ITIH2: variants seen among roughly 807,000 people sequenced by gnomAD.
The protein encoded by ITIH2 is inter-alpha-trypsin inhibitor heavy chain H2.
In ITIH2, 103 loss-of-function variants were observed where a neutral mutation model predicts 104.4. The ratio of observed to expected loss-of-function variants is 0.99; its 90% CI spans 0.84 to 1.16. The LOEUF (loss-of-function observed/expected upper bound fraction) is 1.16. Among genes scored for constraint, ITIH2 ranks in the 50% most tolerant of loss-of-function variants. The pLI is 0.00. For synonymous variants in ITIH2, 436 were observed against 435.4 expected (o/e 1.00, Z -0.02); for missense variants, 1,108 against 1,162.4 (o/e 0.95, Z 0.68).
chr10:7,712,065 T>TC, intron 4 of ITIH2, among the ~76,000 whole-genome samples: 1 of 152,222 alleles, frequency 6.6e-6, no homozygotes, highest in Non-Finnish European at 1.5e-5. Flanking sequence ...ACCAGCACCT[T>TC]CCCCCTTTTT....
chr10:7,749,322 C>T lies in ITIH2; in HGVS notation c.2829C>T (p.Leu943=). 1 of 1,613,992 alleles carries T rather than the reference C, an allele frequency of 6.2e-7. No homozygotes were observed. The highest frequency in any genetic ancestry group is 8.5e-7 in the Non-Finnish European group (1 of 1,179,890). The change falls in exon 21 of 21, where the codon CTC becomes CTT. Residue 943 remains leucine, a synonymous_variant. Coordinates refer to ENST00000358415, the MANE Select transcript of ITIH2 (RefSeq NM_002216.3). The part of the protein sequence containing the change: ...DYFVPQLYSF[L]KRP ...TCGTGCCTCAGCTCTACAGCTTTCT[C>T]AAACGGCCTTAAAGGTTTATAGTTT...
At chr10:7,739,165 T>C (rs550933820) in intron 16 of ITIH2, among the ~76,000 whole-genome samples, 13 of 152,280 alleles carry the variant, frequency 8.5e-5, no homozygotes, top group Admixed American at 7.2e-4. Flanking sequence ...TCCCACAGCA[T>C]GTGAGACGGG....
chr10:7,712,019 T>C (rs1476062270), intron 4 of ITIH2, among the ~76,000 whole-genome samples: 1 of 152,112 alleles, frequency 6.6e-6, no homozygotes, highest in Non-Finnish European at 1.5e-5. Flanking sequence ...CCAAGGGAGA[T>C]GGTTTCCAGA....
chr10:7,737,486 T>G lies in ITIH2; in HGVS notation c.1958-1135T>G, dbSNP rs920424472. The stretch of plus-strand genomic sequence containing the variant: ...AATTATAATTATATTATCTGTAATA[T>G]ATAATTATATATATTTTGTATTCTA... On this transcript the variant is annotated intron_variant, in intron 15 of 20. Transcript: ENST00000358415. 2.9e-5 allele frequency among the ~76,000 whole-genome samples: 4 copies of G among 139,352 alleles called. No individual in the cohort carries two copies. In the Admixed American group the frequency reaches 3.0e-4, roughly 11 times the overall value. 91.4% of individuals were successfully genotyped at this position (139,352 alleles called of 152,430 possible).
chr10:7,730,152 C>CT lies in ITIH2; in HGVS notation c.1461+26dup. On this transcript the variant is annotated intron_variant, in intron 12 of 20. Coordinates refer to ENST00000358415, the MANE Select transcript of ITIH2 (RefSeq NM_002216.3). ...GCTTAAGGTAACATTTTCTTCTGTTCTTTTTTTATTCTTCACTGGAAATCA... is the reference window on the plus strand; with the variant it reads ...GCTTAAGGTAACATTTTCTTCTGTTCTTTTTTTTATTCTTCACTGGAAATCA... 7 of 1,556,426 alleles carry CT rather than the reference C, an allele frequency of 4.5e-6. No individual in the cohort carries two copies. Among genetic ancestry groups the CT allele is most frequent in the Non-Finnish European group, 6.1e-6 (7 of 1,144,998 alleles).
chr10:7,736,763 A>C (rs762894779), intron 15 of ITIH2, among the ~76,000 whole-genome samples: 15 of 152,170 alleles, frequency 9.9e-5, no homozygotes, highest in Admixed American at 3.9e-4. Context: ...TTATTTACGA[A>C]TGGATTGAAA....
At chr10:7,737,655 ATATTCT>A (rs1835072829) in intron 15 of ITIH2, among the ~76,000 whole-genome samples, 2 of 75,448 alleles carry the variant, frequency 2.7e-5, no homozygotes, top group Admixed American at 4.0e-4. Context: ...ATTCTATATT[ATATTCT>A]ATATTATATT....
At chr10:7,742,875 TA>T (rs1835140267) in intron 16 of ITIH2, among the ~76,000 whole-genome samples, 1 of 152,242 alleles carries the variant, frequency 6.6e-6, no homozygotes, top group African/African-American at 2.4e-5. Context: ...TTTTTATCTC[TA>T]GTATCTAGTC....
rs116626491 is a variant in ITIH2, at chr10:7,733,025, C to A, written c.1787+548C>A. 2.9e-3 allele frequency among the ~76,000 whole-genome samples: 448 copies of A among 152,184 alleles called. 3 individuals carry two copies. The highest frequency in any genetic ancestry group is 0.01 in the African/African-American group (424 of 41,498). On this transcript the variant is annotated intron_variant, in intron 14 of 20. Transcript: ENST00000358415. ...TACAGGCATGAGCCACCGCACCCGG[C>A]CAAAATGCATTAATTTTAAGTGCAC...
At chr10:7,730,571 A>G (rs1249698400) in intron 12 of ITIH2, among the ~76,000 whole-genome samples, 1 of 152,172 alleles carries the variant, frequency 6.6e-6, no homozygotes, top group Admixed American at 6.5e-5. Context: ...CTGTAATCCC[A>G]GCTCTTTGGA....
Position 7,705,131 on chromosome 10 carries a change from G to A in ITIH2, c.108G>A (p.Val36=). 1 of 1,611,896 alleles carries A rather than the reference G, an allele frequency of 6.2e-7. No homozygotes were observed. The stretch of plus-strand genomic sequence containing the variant: ...AGTTTGTAGACTATGAAGATCTTGT[G>A]GAACTGGCCCCAGGCAAATTTCAAT... The part of the protein sequence containing the change: ...LSEFVDYEDL[V]ELAPGKFQLV... The change falls in exon 2 of 21, where the codon GTG becomes GTA. Residue 36 remains valine, a synonymous_variant. Transcript: ENST00000358415.
intron 5 of ITIH2, among the ~76,000 whole-genome samples, chr10:7,714,165 ATTTTTTTTT>A (rs996413668): frequency 2.4e-5 from 2 of 84,030 alleles, no homozygotes; most frequent in South Asian, 3.9e-4. Context: ...CACACTCACT[ATTTTTTTTT>A]TTTTTTTTTT....
At chr10:7,723,594 T>TG in intron 9 of ITIH2, 27 bp downstream of exon 9, 1 of 1,345,282 alleles carries the variant, frequency 7.4e-7, no homozygotes, top group Non-Finnish European at 1.1e-6. Flanking sequence ...TTGCAGTGGT[T>TG]GGGGGGATTC....
intron 20 of ITIH2, among the ~76,000 whole-genome samples, chr10:7,748,937 C>T (rs1247974605): frequency 6.6e-6 from 1 of 152,088 alleles, no homozygotes; most frequent in Non-Finnish European, 1.5e-5. Flanking sequence ...GTTTCCCTCG[C>T]TGGAAAAGCC....
At chr10:7,743,391 TTATAAA>T in intron 17 of ITIH2, 132 bp downstream of exon 17, 1 of 562,716 alleles carries the variant, frequency 1.8e-6, no homozygotes, top group Non-Finnish European at 3.1e-6. Flanking sequence ...AGAAATTAAA[TTATAAA>T]TATATTCTTA....
chr10:7,732,076 C>G, intron 13 of ITIH2, 80 bp downstream of exon 13: 1 of 1,155,746 alleles, frequency 8.7e-7, no homozygotes, highest in Non-Finnish European at 1.3e-6. Flanking sequence ...CTCTGCCTGC[C>G]TGGAATCATG....
chr10:7,719,327 G>C (rs1279408711), intron 6 of ITIH2, among the ~76,000 whole-genome samples: 1 of 152,270 alleles, frequency 6.6e-6, no homozygotes, highest in Middle Eastern at 3.4e-3. Context: ...CAAATGCAGC[G>C]CCATCCAGGG....
At position 7,727,738 on chromosome 10, in the gene ITIH2, T is replaced by A; in HGVS notation, c.1189T>A (p.Phe397Ile). 3 of 1,614,180 alleles carry A rather than the reference T, an allele frequency of 1.9e-6. No homozygotes were observed. Among genetic ancestry groups the A allele is most frequent in the Non-Finnish European group, 2.5e-6 (3 of 1,180,002 alleles). ...NINEALLRAI[F>I]ILNEANNLGL... is the part of the protein sequence containing the mutation. The stretch of plus-strand genomic sequence containing the variant: ...CAACGAAGCACTCCTACGGGCAATC[T>A]TCATTTTGAATGAAGCCAATAACTT... Residue 397 changes from phenylalanine (F) to isoleucine (I), a missense_variant, in exon 11 of 21, where the codon TTC becomes ATC. Coordinates refer to ENST00000358415, the MANE Select transcript of ITIH2 (RefSeq NM_002216.3).
In ITIH2 at chr10:7,744,873, G is replaced by A; in HGVS notation, c.2491G>A (p.Val831Ile). ...GTCCTTTTCTGTTTTACTTCATCGTGTTTGGAAGAAGCATCCCGTCAATGT... is the reference window on the plus strand; with the variant it reads ...GTCCTTTTCTGTTTTACTTCATCGTATTTGGAAGAAGCATCCCGTCAATGT... ...EMSFSVLLHR[V>I]WKKHPVNVDF... Residue 831 changes from valine to isoleucine, a missense_variant, in exon 19 of 21, where the codon GTT becomes ATT. Val to Ile is a conservative substitution (Grantham distance 29). Transcript: ENST00000358415. 1 of 1,614,030 alleles carries A rather than the reference G, an allele frequency of 6.2e-7. No homozygotes were observed. The highest frequency in any genetic ancestry group is 8.5e-7 in the Non-Finnish European group (1 of 1,179,940).
Sources: allele counts gnomAD v4.1 joint callset (sites outside exome capture counted in the v4.1 genomes callset), GRCh38; gene constraint gnomAD v4.1.1; transcripts MANE v1.5; gene names NCBI Gene and HGNC (gene_info 2026-07-23, HGNC 2026-07-21).